The following EDNRB variants were observed in gnomAD, a reference collection of about 807,000 sequenced individuals.
The protein encoded by EDNRB is endothelin receptor type B, also known as Hirschsprung disease 2.
In EDNRB, 18 loss-of-function variants were observed where a neutral mutation model predicts 46.4. That is an observed-to-expected ratio of 0.39 (90% CI 0.27 to 0.57). The LOEUF (loss-of-function observed/expected upper bound fraction) is 0.57, where lower values mean the gene tolerates loss of function less well. EDNRB is among the 20% of genes least tolerant of loss of function. EDNRB has a pLI of 0.61. For missense variants in EDNRB, 434 were observed against 537.5 expected (o/e 0.81, Z 1.90); for synonymous variants, 213 against 204.9 (o/e 1.04, Z -0.34).
intron 1 of EDNRB, among the ~76,000 whole-genome samples, chr13:77,971,585 T>A (rs1455125010): frequency 2.5e-5 from 2 of 80,272 alleles, no homozygotes; most frequent in Non-Finnish European, 4.4e-5. Context: ...CAACATGAGT[T>A]TTTTTTTTTT....
chr13:77,964,169 G>A (rs1359753430), intron 1 of EDNRB, among the ~76,000 whole-genome samples: 1 of 152,164 alleles, frequency 6.6e-6, no homozygotes, highest in African/African-American at 2.4e-5. Context: ...TTACATTGTT[G>A]GTGGGGCTGT....
chr13:77,926,940 C>T (rs1208213660), intron 1 of EDNRB, among the ~76,000 whole-genome samples: 3 of 152,174 alleles, frequency 2.0e-5, no homozygotes, highest in Non-Finnish European at 2.9e-5. Context: ...AAGCAGAAAC[C>T]TGTGATAAAA....
rs146103953 is a variant in EDNRB at position 77,972,561 on chromosome 13, C to T, written c.-52+2786G>A. Reference sequence around the variant, plus strand: ...TCCTGGTTGGCACTGGGGTCTTTATCGAAATCTCCCCCGATTAAACGGTCC... The same window carrying T: ...TCCTGGTTGGCACTGGGGTCTTTATTGAAATCTCCCCCGATTAAACGGTCC... On this transcript the variant is annotated intron_variant, in intron 1 of 7. Transcript: ENST00000646948. Among the ~76,000 whole-genome samples, 997 of 152,194 alleles carry T rather than the reference C, an allele frequency of 6.6e-3. 12 individuals are homozygous for T. The highest frequency in any genetic ancestry group is 0.022 in the African/African-American group (894 of 41,532).
intron 1 of EDNRB, among the ~76,000 whole-genome samples, chr13:77,908,043 A>AAG (rs1555291126): frequency 8.3e-5 from 6 of 72,488 alleles, no homozygotes; most frequent in East Asian, 5.7e-4. Context: ...AAAAAAAAAA[A>AAG]AGAGAGAGAG....
chr13:77,974,615 CCTCT>C (rs3039630), intron 1 of EDNRB, among the ~76,000 whole-genome samples: 3,405 of 134,876 alleles, frequency 0.025, 59 homozygotes, highest in East Asian at 0.035. Context: ...CTCCTCTCTG[CCTCT>C]CTCTCTCTCT....
chr13:77,904,675 C>G (rs1230515749), intron 1 of EDNRB, among the ~76,000 whole-genome samples: 1 of 151,666 alleles, frequency 6.6e-6, no homozygotes, highest in Non-Finnish European at 1.5e-5. Context: ...GACTATGAAA[C>G]CATCTATTAT....
At chr13:77,951,495 G>C (rs1881088270) in intron 1 of EDNRB, among the ~76,000 whole-genome samples, 1 of 152,064 alleles carries the variant, frequency 6.6e-6, no homozygotes, top group South Asian at 2.1e-4. Flanking sequence ...CAAACTAATG[G>C]ACAGAAATTG....
intron 1 of EDNRB, among the ~76,000 whole-genome samples, chr13:77,959,302 G>T (rs1443694746): frequency 6.6e-6 from 1 of 152,200 alleles, no homozygotes; most frequent in African/African-American, 2.4e-5. Flanking sequence ...AGTAGGGGCA[G>T]AATGACACCT....
upstream of EDNRB, among the ~76,000 whole-genome samples, chr13:77,923,203 C>G (rs78202465): frequency 1.0e-3 from 157 of 152,234 alleles, 1 homozygote; most frequent in East Asian, 0.027. Context: ...CAACATAGTT[C>G]AGCTATTTTA....
At chr13:77,900,700 C>T (rs747292537) in intron 4 of EDNRB, 46 bp from the exon 5 acceptor site, 2 of 1,610,684 alleles carry the variant, frequency 1.2e-6, no homozygotes, top group Non-Finnish European at 1.7e-6. Context: ...GCTCATTTTA[C>T]TCATAGCATT....
At chr13:77,939,620 T>G (rs1394693943) in intron 1 of EDNRB, 4 of 152,236 alleles carry the variant, frequency 2.6e-5, no homozygotes, top group Non-Finnish European at 5.9e-5. Flanking sequence ...GCTAAAGGAT[T>G]CATACATTGT....
chr13:77,922,182 T>C (rs1880105748), upstream of EDNRB, among the ~76,000 whole-genome samples: 1 of 151,988 alleles, frequency 6.6e-6, no homozygotes, highest in South Asian at 2.1e-4. Context: ...ATTTTAAACG[T>C]TTATGAAGTG....
intron 1 of EDNRB, among the ~76,000 whole-genome samples, chr13:77,908,983 T>A (rs1165220018): frequency 6.6e-6 from 1 of 152,044 alleles, no homozygotes; most frequent in Non-Finnish European, 1.5e-5. Flanking sequence ...ATAGCTGTTG[T>A]TAGTGTTAAG....
intron 1 of EDNRB, among the ~76,000 whole-genome samples, chr13:77,953,317 G>A (rs1367957174): frequency 6.6e-6 from 1 of 151,642 alleles, no homozygotes; most frequent in Non-Finnish European, 1.5e-5. Context: ...TAAGGTGGAA[G>A]ATATATATTA....
intron 1 of EDNRB, among the ~76,000 whole-genome samples, chr13:77,954,878 T>C (rs1442558299): frequency 6.6e-6 from 1 of 152,168 alleles, no homozygotes; most frequent in African/African-American, 2.4e-5. Flanking sequence ...GTAATGGACA[T>C]ATTTGTTGTT....
intron 1 of EDNRB, among the ~76,000 whole-genome samples, chr13:77,959,271 C>T (rs1881331019): frequency 6.6e-6 from 1 of 152,164 alleles, no homozygotes; most frequent in Non-Finnish European, 1.5e-5. Context: ...CCCCGAGTAA[C>T]CTAATGGGGA....
chr13:77,916,831 TTGCTGCTGCTGC>T (rs146176595), intron 1 of EDNRB, among the ~76,000 whole-genome samples: 3 of 152,058 alleles, frequency 2.0e-5, no homozygotes, highest in African/African-American at 7.2e-5. Flanking sequence ...CAACTTTCTA[TTGCTGCTGCTGC>T]TGCTGCTGCT....
rs3027109 is a variant in EDNRB at position 77,905,047 on chromosome 13, C to G, written c.484-1440G>C. Among the ~76,000 whole-genome samples, 28 of 151,990 alleles carry G rather than the reference C, an allele frequency of 1.8e-4. 1 individual carries two copies. The South Asian group carries it at 5.6e-3, about 30-fold the overall frequency. On this transcript the variant is annotated intron_variant, in intron 1 of 6. Coordinates refer to ENST00000646607, the MANE Select transcript of EDNRB (RefSeq NM_001122659.3). ...TCTAAGTTAGATATCAAAACTTACA[C>G]AGACATGTAGGACAAAAGTTGGCAG... is the stretch of plus-strand genomic sequence containing the variant.
intron 1 of EDNRB, among the ~76,000 whole-genome samples, chr13:77,928,267 T>C (rs1028987692): frequency 3.2e-4 from 48 of 152,218 alleles, no homozygotes; most frequent in African/African-American, 1.0e-3. Context: ...TATTTTATTA[T>C]ACTATCATCA....
Sources: allele counts gnomAD v4.1 joint callset (sites outside exome capture counted in the v4.1 genomes callset), GRCh38; gene constraint gnomAD v4.1.1; transcripts MANE v1.5; gene names NCBI Gene and HGNC (gene_info 2026-07-23, HGNC 2026-07-21).